ABL2: variants seen among roughly 807,000 people sequenced by gnomAD.
ABL2 encodes tyrosine-protein kinase ABL2.
In ABL2, 49 loss-of-function variants were observed where a neutral mutation model predicts 107.7. The ratio of observed to expected loss-of-function variants is 0.45; its 90% CI spans 0.36 to 0.58. The LOEUF is 0.58. ABL2 is among the 20% of genes least tolerant of loss of function. The pLI is 0.00. For synonymous variants in ABL2, 549 were observed against 548.6 expected, an observed-to-expected ratio of 1.00 and a Z score of -0.01; for missense variants, 1,245 against 1,457.0, an observed-to-expected ratio of 0.85 and a Z score of 2.37.
chr1:179,197,980 C>T (rs1017519028), intron 1 of ABL2, among the ~76,000 whole-genome samples: 2 of 151,618 alleles, frequency 1.3e-5, no homozygotes, highest in African/African-American at 4.9e-5. Flanking sequence ...TCAAGAGAAG[C>T]CTGGGAAACA....
At chr1:179,161,048 C>A (rs906728520) in intron 1 of ABL2, among the ~76,000 whole-genome samples, 1 of 152,122 alleles carries the variant, frequency 6.6e-6, no homozygotes, top group Non-Finnish European at 1.5e-5. Flanking sequence ...TTTCTAATAT[C>A]ATTCAGAGGT....
chr1:179,145,693 CT>C (rs1657937010), intron 1 of ABL2, among the ~76,000 whole-genome samples: 1 of 152,062 alleles, frequency 6.6e-6, no homozygotes, highest in African/African-American at 2.4e-5. Context: ...AATGCAAAAA[CT>C]CTGAGGTAGG....
intron 1 of ABL2, among the ~76,000 whole-genome samples, chr1:179,203,030 C>A (rs1661757409): frequency 6.6e-6 from 1 of 152,128 alleles, no homozygotes; most frequent in South Asian, 2.1e-4. Context: ...AAAGGATACA[C>A]CCCAGAACTT....
At chr1:179,167,275 T>C (rs1571235030) in intron 1 of ABL2, among the ~76,000 whole-genome samples, 1 of 152,164 alleles carries the variant, frequency 6.6e-6, no homozygotes, top group East Asian at 1.9e-4. Context: ...CGGATGGAAC[T>C]GAGGGTCATT....
rs1410880198 is a variant in ABL2 at position 179,102,813 on chromosome 1, G to T, written c.*4905C>A. Reference sequence around the variant, plus strand: ...TTTACTTTTGAGTATTTTATAATAGGTGAATTAAATTCAGCTATTCTTTTT... The same window carrying T: ...TTTACTTTTGAGTATTTTATAATAGTTGAATTAAATTCAGCTATTCTTTTT... On this transcript the variant is annotated 3_prime_UTR_variant, in exon 12 of 12. Transcript: ENST00000502732. 4.4e-6 allele frequency: 1 copy of T among 225,430 alleles called. No individual in the cohort carries two copies. The highest frequency in any genetic ancestry group is 8.8e-6 in the Non-Finnish European group (1 of 113,354). The allele number at this position is 225,430 out of a possible 1,614,324, so 14.0% of individuals were successfully genotyped here.
chr1:179,176,652 T>C (rs549004108), intron 1 of ABL2, among the ~76,000 whole-genome samples: 5 of 150,866 alleles, frequency 3.3e-5, no homozygotes, highest in African/African-American at 4.9e-5. Context: ...AAAAATAATA[T>C]GGCTTTTATT....
intron 1 of ABL2, among the ~76,000 whole-genome samples, chr1:179,175,470 T>A (rs539035924): frequency 2.6e-5 from 4 of 152,200 alleles, no homozygotes; most frequent in Non-Finnish European, 4.4e-5. Flanking sequence ...CAGACTTCCA[T>A]TGCCAAGAAT....
At chr1:179,199,034 G>A (rs1384007679) in intron 1 of ABL2, among the ~76,000 whole-genome samples, 4 of 151,872 alleles carry the variant, frequency 2.6e-5, no homozygotes, top group Non-Finnish European at 5.9e-5. Flanking sequence ...TAGAGATGGG[G>A]GTTTCGCCAT....
chr1:179,183,357 TAAC>T (rs28914481), intron 1 of ABL2, among the ~76,000 whole-genome samples: 18 of 152,196 alleles, frequency 1.2e-4, no homozygotes, highest in South Asian at 4.1e-4. Context: ...CTTAAATTTA[TAAC>T]AACAACAACA....
chr1:179,211,598 G>C (rs1014355345), intron 1 of ABL2, among the ~76,000 whole-genome samples: 1 of 151,724 alleles, frequency 6.6e-6, no homozygotes, highest in Non-Finnish European at 1.5e-5. Flanking sequence ...ATATACAGGA[G>C]AATAAAACCA....
At chr1:179,125,960 T>C (rs572815306) in intron 4 of ABL2, among the ~76,000 whole-genome samples, 2 of 152,330 alleles carry the variant, frequency 1.3e-5, no homozygotes, top group East Asian at 3.9e-4. Flanking sequence ...TTAATATACA[T>C]TAATGATCGA....
intron 3 of ABL2, among the ~76,000 whole-genome samples, chr1:179,128,326 A>T (rs1285382159): frequency 1.3e-5 from 2 of 152,116 alleles, no homozygotes; most frequent in East Asian, 3.8e-4. Context: ...ATACTTGCCA[A>T]TCATATTTAC....
chr1:179,128,476 T>C (rs1441304910), intron 3 of ABL2, among the ~76,000 whole-genome samples: 2 of 152,180 alleles, frequency 1.3e-5, no homozygotes, highest in African/African-American at 4.8e-5. Flanking sequence ...TTTTTTAATA[T>C]TGTTGCTTCC....
chr1:179,133,421 A>G, intron 1 of ABL2, 47 bp from the exon 2 acceptor site: 1 of 1,613,852 alleles, frequency 6.2e-7, no homozygotes, highest in South Asian at 1.1e-5. Context: ...AAGCTTCTTC[A>G]ATAGTTTAAC....
At chr1:179,208,387 G>A (rs976304030) in intron 1 of ABL2, among the ~76,000 whole-genome samples, 6 of 151,340 alleles carry the variant, frequency 4.0e-5, no homozygotes, top group Non-Finnish European at 7.4e-5. Flanking sequence ...CCACTTATAA[G>A]TGAGAACACA....
chr1:179,185,761 T>C (rs1473444642), intron 1 of ABL2, among the ~76,000 whole-genome samples: 2 of 152,176 alleles, frequency 1.3e-5, no homozygotes, highest in African/African-American at 2.4e-5. Flanking sequence ...CATGAAGATA[T>C]ATAATGAGAA....
At chr1:179,121,250 A>G (rs1254623675) in intron 5 of ABL2, among the ~76,000 whole-genome samples, 2 of 152,240 alleles carry the variant, frequency 1.3e-5, no homozygotes, top group African/African-American at 4.8e-5. Context: ...AAAGAGGCCC[A>G]TGACTCTCAG....
At chr1:179,176,584 T>C (rs2102787492) in intron 1 of ABL2, among the ~76,000 whole-genome samples, 1 of 152,256 alleles carries the variant, frequency 6.6e-6, no homozygotes, top group South Asian at 2.1e-4. Context: ...TTTAAGATTA[T>C]CTCACTTTGG....
At position 179,142,947 on chromosome 1, in the gene ABL2, A is replaced by G. The variant is rs754725473; in HGVS notation, c.158-9573T>C. The G allele has an allele frequency of 2.5e-6, 4 of 1,614,192 alleles. No individual in the cohort carries two copies. The Admixed American group carries it at 6.7e-5, about 27-fold the overall frequency. The stretch of plus-strand genomic sequence containing the variant: ...CTGAACCATACCTGTTAAGTCGGGT[A>G]GAGCAGATTCTGAGGCCTCAGTGCA... On this transcript the variant is annotated intron_variant, in intron 1 of 11. Coordinates refer to ENST00000502732, the MANE Select transcript of ABL2 (RefSeq NM_007314.4).
Sources: gnomAD v4.1 joint callset for allele counts (sites outside exome capture counted in the v4.1 genomes callset) on GRCh38, gnomAD v4.1.1 for gene constraint, MANE v1.5 for transcripts, NCBI Gene and HGNC (gene_info 2026-07-23, HGNC 2026-07-21) for gene names.